The following KIF21A variants were observed in gnomAD, a reference collection of about 807,000 sequenced individuals.
KIF21A encodes the protein kinesin-like protein KIF21A.
Under a neutral mutation model 202.9 loss-of-function variants are expected in KIF21A, and 114 were observed. The observed-to-expected ratio is 0.56, with a 90% CI of 0.48 to 0.66. The LOEUF is 0.66. KIF21A is among the 30% of genes least tolerant of loss of function. The probability of loss-of-function intolerance (pLI) is 0.00; values close to 1 mark genes in which losing one functional copy is unlikely to be tolerated. For synonymous variants in KIF21A, 667 were observed against 670.8 expected, an observed-to-expected ratio of 0.99 and a Z score of 0.09; for missense variants, 1,677 against 1,994.9, an observed-to-expected ratio of 0.84 and a Z score of 3.04.
chr12:39,302,017 C>A (rs2137130092), intron 36 of KIF21A, among the ~76,000 whole-genome samples: 1 of 152,216 alleles, frequency 6.6e-6, no homozygotes, highest in Middle Eastern at 3.4e-3. Flanking sequence ...TTAAATAAAG[C>A]AAGTTTGAAA....
At chr12:39,349,781 C>T (rs927642839) in intron 11 of KIF21A, among the ~76,000 whole-genome samples, 2 of 151,900 alleles carry the variant, frequency 1.3e-5, no homozygotes, top group African/African-American at 2.4e-5. Flanking sequence ...TGTGGTAAGA[C>T]ATATTCCATT....
chr12:39,436,726 C>T (rs1471928899), intron 1 of KIF21A, among the ~76,000 whole-genome samples: 1 of 150,384 alleles, frequency 6.6e-6, no homozygotes, highest in Admixed American at 6.6e-5. Context: ...ATCATGAAAA[C>T]TGTCCCTTTG....
chr12:39,426,320 C>T (rs987587363), intron 1 of KIF21A, among the ~76,000 whole-genome samples: 3 of 151,738 alleles, frequency 2.0e-5, no homozygotes, highest in African/African-American at 7.2e-5. Context: ...AGTATACACA[C>T]ATGTACACGC....
intron 28 of KIF21A, among the ~76,000 whole-genome samples, chr12:39,319,155 G>T (rs1475610916): frequency 6.6e-6 from 1 of 152,112 alleles, no homozygotes; most frequent in African/African-American, 2.4e-5. Flanking sequence ...TTATGTCAAA[G>T]AAATTAAAGT....
rs760678283 is a variant in KIF21A at position 39,351,833 on chromosome 12, G to T, written c.1617C>A (p.Asp539Glu). ...ACTTCTCTAAATCTTTTTTTGCTAG[G>T]TCTATAATTTCAATGGTTTCTTTGT... ...SSDKETIEII[D>E]LAKKDLEKLK... The change falls in exon 11 of 38, where the codon GAC becomes GAA. Residue 539 changes from aspartate to glutamate, a missense_variant. Physicochemically the swap from Asp to Glu is conservative, Grantham distance 45. Transcript: ENST00000361418. 34 of 1,603,268 alleles carry T rather than the reference G, an allele frequency of 2.1e-5. No homozygotes were observed. Among genetic ancestry groups the T allele is most frequent in the Non-Finnish European group, 2.7e-5 (32 of 1,172,064 alleles).
intron 1 of KIF21A, among the ~76,000 whole-genome samples, chr12:39,392,498 C>A (rs1029978151): frequency 1.3e-5 from 2 of 152,090 alleles, no homozygotes; most frequent in African/African-American, 4.8e-5. Flanking sequence ...AGAACATTTT[C>A]TTTTATAATC....
Position 39,420,540 on chromosome 12 carries a change from A to T in KIF21A, c.44+22387T>A, listed in dbSNP as rs1954167839. Reference sequence around the variant, plus strand: ...TGTGTCTCCACTCCCTGTTTTGAAGACCCAGAAACAGCAAAGTGAGTATGG... The same window carrying T: ...TGTGTCTCCACTCCCTGTTTTGAAGTCCCAGAAACAGCAAAGTGAGTATGG... On this transcript the variant is annotated intron_variant, in intron 1 of 37. Coordinates refer to ENST00000361418, the MANE Select transcript of KIF21A (RefSeq NM_001173464.2). Among the ~76,000 whole-genome samples, 4 of 152,186 alleles carry T rather than the reference A, an allele frequency of 2.6e-5. No individual in the cohort carries two copies. In the South Asian group the frequency reaches 8.3e-4, roughly 31 times the overall value.
chr12:39,407,561 C>T (rs1008081983), intron 1 of KIF21A, among the ~76,000 whole-genome samples: 1 of 152,096 alleles, frequency 6.6e-6, no homozygotes, highest in African/African-American at 2.4e-5. Context: ...CAGAAATATT[C>T]ATTTATTCCC....
intron 17 of KIF21A, among the ~76,000 whole-genome samples, chr12:39,336,334 C>A (rs962852143): frequency 3.9e-5 from 6 of 152,082 alleles, no homozygotes; most frequent in African/African-American, 1.4e-4. Context: ...TAACTTATAA[C>A]CCTAACACAA....
At position 39,363,216 on chromosome 12, in the gene KIF21A, AAAAG is replaced by A. The variant is rs1225984275; in HGVS notation, c.904-7_904-4del. The stretch of plus-strand genomic sequence containing the variant: ...CTTATTACATTGCCAAGTGCCAACT[AAAAG>A]AAAGAGAAAGAAAGACAGCAAAATG... On this transcript the variant is annotated splice_region_variant and splice_polypyrimidine_tract_variant and intron_variant, in intron 6 of 37. Transcript: ENST00000361418. 3.8e-6 allele frequency: 6 copies of A among 1,575,688 alleles called. No individual in the cohort carries two copies. Among genetic ancestry groups the A allele is most frequent in the Non-Finnish European group, 3.5e-6 (4 of 1,145,524 alleles).
intron 16 of KIF21A, among the ~76,000 whole-genome samples, chr12:39,338,280 A>C (rs1011046947): frequency 1.3e-5 from 2 of 152,210 alleles, no homozygotes; most frequent in Non-Finnish European, 2.9e-5. Context: ...AATAGATAAA[A>C]GCTTACAGAA....
At position 39,366,341 on chromosome 12, in the gene KIF21A, T is replaced by C; in HGVS notation, c.903+9A>G. Reference sequence around the variant, plus strand: ...CTGATATATTCTCAGCACAAAGCCTTAATCTTACAAGTCCACAGTTGATAG... The same window carrying C: ...CTGATATATTCTCAGCACAAAGCCTCAATCTTACAAGTCCACAGTTGATAG... On this transcript the variant is annotated intron_variant, in intron 6 of 37. Coordinates refer to ENST00000361418, the MANE Select transcript of KIF21A (RefSeq NM_001173464.2). The C allele has an allele frequency of 6.2e-7, 1 of 1,612,252 alleles. No homozygotes were observed. The highest frequency in any genetic ancestry group is 1.1e-5 in the South Asian group (1 of 91,040).
intron 3 of KIF21A, among the ~76,000 whole-genome samples, chr12:39,369,074 T>C (rs1259356936): frequency 6.6e-6 from 1 of 152,228 alleles, no homozygotes; most frequent in African/African-American, 2.4e-5. Context: ...ACCTATTATT[T>C]CTCACATACT....
At chr12:39,317,674 T>C (rs1944707740) in intron 29 of KIF21A, among the ~76,000 whole-genome samples, 1 of 152,136 alleles carries the variant, frequency 6.6e-6, no homozygotes, top group South Asian at 2.1e-4. Context: ...AACTGTTATA[T>C]CCCCCAGAAG....
At chr12:39,311,343 C>T in intron 32 of KIF21A, 74 bp downstream of exon 32, 3 of 1,372,952 alleles carry the variant, frequency 2.2e-6, no homozygotes, top group African/African-American at 1.5e-5. Context: ...TGACAGTTTT[C>T]TAGAATATGT....
chr12:39,301,807 T>A, intron 36 of KIF21A, 128 bp from the exon 37 acceptor site: 1 of 806,462 alleles, frequency 1.2e-6, no homozygotes, highest in South Asian at 1.5e-5. Flanking sequence ...GAAAGTTTAT[T>A]TTCTATGCAA....
chr12:39,340,859 T>C lies in KIF21A; in HGVS notation c.2110+47A>G, dbSNP rs1160012371. On this transcript the variant is annotated intron_variant, in intron 15 of 37. Coordinates refer to ENST00000361418, the MANE Select transcript of KIF21A (RefSeq NM_001173464.2). ...CTAAAGGAAAAGATAAAAACCCATTTTGAAGATTTAGCTTGAACTTTCATT... is the reference window on the plus strand; with the variant it reads ...CTAAAGGAAAAGATAAAAACCCATTCTGAAGATTTAGCTTGAACTTTCATT... 3 of 1,341,832 alleles carry C rather than the reference T, an allele frequency of 2.2e-6. No homozygotes were observed. In the South Asian group the frequency reaches 3.7e-5, roughly 16 times the overall value. The allele number at this position is 1,341,832 out of a possible 1,614,324, so 83.1% of individuals were successfully genotyped here. A position where few individuals can be genotyped will look rare whatever the true frequency, so the allele number is the denominator to read the frequency against.
At chr12:39,429,442 C>T (rs1955013380) in intron 1 of KIF21A, among the ~76,000 whole-genome samples, 1 of 152,126 alleles carries the variant, frequency 6.6e-6, no homozygotes, top group Non-Finnish European at 1.5e-5. Context: ...TATAAATGCA[C>T]TATTATCATC....
chr12:39,357,512 T>C lies in KIF21A; in HGVS notation c.1216-75A>G, dbSNP rs1351856153. The stretch of plus-strand genomic sequence containing the variant: ...AAGAGTTTTGCTTAAGAATACTCTA[T>C]AACTATACAATTCTCTAACCAAGAG... On this transcript the variant is annotated intron_variant, in intron 8 of 37. Coordinates refer to ENST00000361418, the MANE Select transcript of KIF21A (RefSeq NM_001173464.2). 4 of 1,239,158 alleles carry C rather than the reference T, an allele frequency of 3.2e-6. No individual in the cohort carries two copies. The South Asian group carries it at 4.8e-5, about 15-fold the overall frequency. 76.8% of individuals were successfully genotyped at this position (1,239,158 alleles called of 1,614,324 possible).
Sources: allele counts gnomAD v4.1 joint callset (sites outside exome capture counted in the v4.1 genomes callset), GRCh38; gene constraint gnomAD v4.1.1; transcripts MANE v1.5; gene names NCBI Gene and HGNC (gene_info 2026-07-23, HGNC 2026-07-21).